Variants in SPIN1 observed in about 807,000 individuals in gnomAD.
SPIN1 encodes the protein spindlin-1.
Under a neutral mutation model 26.0 loss-of-function variants are expected in SPIN1, and 3 were observed. The ratio of observed to expected loss-of-function variants is 0.12; its 90% CI spans 0.05 to 0.30. The LOEUF is 0.30. SPIN1 is among the 10% of genes least tolerant of loss of function. SPIN1 has a pLI of 1.00. For synonymous variants in SPIN1, 101 were observed against 116.5 expected, an observed-to-expected ratio of 0.87 and a Z score of 0.86; for missense variants, 126 against 333.4, an observed-to-expected ratio of 0.38 and a Z score of 4.84.
chr9:88,406,528 G>A (rs1827314641), intron 1 of SPIN1, among the ~76,000 whole-genome samples: 1 of 152,002 alleles, frequency 6.6e-6, no homozygotes, highest in African/African-American at 2.4e-5. Flanking sequence ...TTCTGACCTT[G>A]TAATCCATCC....
At chr9:88,426,718 A>G in intron 2 of SPIN1, 127 bp downstream of exon 2, 1 of 636,648 alleles carries the variant, frequency 1.6e-6, no homozygotes. Context: ...TATGTTATAC[A>G]CATATGCATA....
intron 4 of SPIN1, among the ~76,000 whole-genome samples, chr9:88,466,472 G>A (rs912389083): frequency 1.3e-5 from 2 of 152,128 alleles, no homozygotes; most frequent in African/African-American, 4.8e-5. Context: ...TTTTAAGAAT[G>A]CACATGGAGT....
chr9:88,404,782 G>T (rs1379506056), intron 1 of SPIN1, among the ~76,000 whole-genome samples: 2 of 151,926 alleles, frequency 1.3e-5, no homozygotes, highest in African/African-American at 4.8e-5. Context: ...CGGGCGTAGT[G>T]GCAGGCGCCT....
intron 1 of SPIN1, among the ~76,000 whole-genome samples, chr9:88,401,326 A>G (rs1827182262): frequency 6.6e-6 from 1 of 152,152 alleles, no homozygotes; most frequent in African/African-American, 2.4e-5. Context: ...ATACACTGGA[A>G]TATTGTGCCA....
intron 2 of SPIN1, among the ~76,000 whole-genome samples, chr9:88,448,729 G>A (rs1828301625): frequency 6.6e-6 from 1 of 152,152 alleles, no homozygotes; most frequent in Non-Finnish European, 1.5e-5. Flanking sequence ...ATAGAGAACT[G>A]TTGCCTCTGC....
chr9:88,448,636 C>G (rs1413274228), intron 2 of SPIN1, among the ~76,000 whole-genome samples: 2 of 152,196 alleles, frequency 1.3e-5, no homozygotes, highest in African/African-American at 4.8e-5. Context: ...GGATGAGCCT[C>G]CACACCAGGC....
At chr9:88,391,676 G>T (rs1490087580) in intron 1 of SPIN1, 2 of 152,188 alleles carry the variant, frequency 1.3e-5, no homozygotes, top group Non-Finnish European at 2.9e-5. Flanking sequence ...TAGAAGGGAA[G>T]GGAATTTGGT....
chr9:88,442,855 C>T (rs1008829698), intron 2 of SPIN1, among the ~76,000 whole-genome samples: 8 of 151,926 alleles, frequency 5.3e-5, no homozygotes, highest in South Asian at 2.1e-4. Context: ...GGTATGGTGG[C>T]GCACGCCTGT....
intron 3 of SPIN1, among the ~76,000 whole-genome samples, chr9:88,450,730 A>G (rs1411314631): frequency 6.6e-6 from 1 of 152,140 alleles, no homozygotes; most frequent in East Asian, 1.9e-4. Flanking sequence ...CTATCTAGCA[A>G]AAGGGAGAAA....
Position 88,397,918 on chromosome 9 carries a change from C to G in SPIN1, c.-159+9380C>G, listed in dbSNP as rs554524629. ...AGATTACAGGTGTGAGCCACCGTGCCCAGCCTGAAGTTGTTTTTTTGAGAC... is the reference window on the plus strand; with the variant it reads ...AGATTACAGGTGTGAGCCACCGTGCGCAGCCTGAAGTTGTTTTTTTGAGAC... On this transcript the variant is annotated intron_variant, in intron 1 of 5. Coordinates refer to ENST00000375859, the MANE Select transcript of SPIN1 (RefSeq NM_006717.3). 2.0e-5 allele frequency among the ~76,000 whole-genome samples: 3 copies of G among 152,018 alleles called. No individual in the cohort carries two copies. The East Asian group carries it at 5.8e-4, about 29-fold the overall frequency.
chr9:88,451,958 TCC>T (rs766349238), intron 3 of SPIN1, among the ~76,000 whole-genome samples: 7 of 152,000 alleles, frequency 4.6e-5, no homozygotes, highest in Non-Finnish European at 8.8e-5. Flanking sequence ...GTAAATTCCC[TCC>T]CCCCTCCTGC....
At chr9:88,431,426 G>T (rs1221570403) in intron 2 of SPIN1, among the ~76,000 whole-genome samples, 2 of 151,224 alleles carry the variant, frequency 1.3e-5, no homozygotes, top group Non-Finnish European at 2.9e-5. Context: ...TAGTAGCTGG[G>T]ATTACAGGCA....
chr9:88,457,164 G>GCT (rs1019036217), intron 3 of SPIN1, among the ~76,000 whole-genome samples: 1 of 149,878 alleles, frequency 6.7e-6, no homozygotes, highest in East Asian at 1.9e-4. Context: ...ATTTTGCTTT[G>GCT]CTCTCTCTAG....
rs1194117056 is a variant in SPIN1, at chr9:88,478,683, C to T, written c.*3406C>T. 6.6e-6 allele frequency: 1 copy of T among 152,082 alleles called. No individual in the cohort carries two copies. The highest frequency in any genetic ancestry group is 1.9e-4 in the East Asian group (1 of 5,198). 9.4% of individuals were successfully genotyped at this position (152,082 alleles called of 1,614,324 possible). On this transcript the variant is annotated 3_prime_UTR_variant, in exon 6 of 6. Coordinates refer to ENST00000375859, the MANE Select transcript of SPIN1 (RefSeq NM_006717.3). ...ATCCTTAAAACATTTAAAATAAACCCTTTATGTGCAACTCCTGACTGTAAA... is the reference window on the plus strand; with the variant it reads ...ATCCTTAAAACATTTAAAATAAACCTTTTATGTGCAACTCCTGACTGTAAA...
At chr9:88,453,805 C>T (rs560943857) in intron 3 of SPIN1, among the ~76,000 whole-genome samples, 111 of 152,238 alleles carry the variant, frequency 7.3e-4, no homozygotes, top group Non-Finnish European at 1.4e-3. Flanking sequence ...GGATTACAGG[C>T]GGGAGCCACC....
intron 1 of SPIN1, among the ~76,000 whole-genome samples, chr9:88,421,801 T>G (rs1457605798): frequency 6.6e-6 from 1 of 152,124 alleles, no homozygotes; most frequent in African/African-American, 2.4e-5. Context: ...CATGGTGTTG[T>G]CTAAGTTGCT....
At chr9:88,461,180 A>T (rs1458156702) in intron 3 of SPIN1, among the ~76,000 whole-genome samples, 6 of 151,782 alleles carry the variant, frequency 4.0e-5, no homozygotes, top group African/African-American at 1.5e-4. Context: ...TGCTTTCCTC[A>T]CCCTGTGGTC....
chr9:88,388,786 C>A (rs1219567419), intron 1 of SPIN1, among the ~76,000 whole-genome samples: 1 of 150,116 alleles, frequency 6.7e-6, no homozygotes, highest in African/African-American at 2.4e-5. Context: ...CTCCTCCGTG[C>A]CCCCATCCCC....
intron 1 of SPIN1, among the ~76,000 whole-genome samples, chr9:88,406,740 CT>C (rs986989286): frequency 1.4e-4 from 22 of 152,146 alleles, no homozygotes; most frequent in African/African-American, 4.8e-4. Context: ...TTTTCCTGTC[CT>C]TTCTTGCCTT....
Sources: allele counts gnomAD v4.1 joint callset (sites outside exome capture counted in the v4.1 genomes callset), GRCh38; gene constraint gnomAD v4.1.1; transcripts MANE v1.5; gene names NCBI Gene and HGNC (gene_info 2026-07-23, HGNC 2026-07-21).